C2orf76: variants seen among roughly 807,000 people sequenced by gnomAD.
The protein encoded by C2orf76 is UPF0538 protein C2orf76.
Under a neutral mutation model 16.9 loss-of-function variants are expected in C2orf76, and 23 were observed. The observed-to-expected ratio is 1.36, with a 90% CI of 0.98 to 1.93. The LOEUF is 1.93. Ranked by LOEUF, C2orf76 falls within the 30% of genes most tolerant of loss-of-function variation. C2orf76 has a pLI of 0.00. For synonymous variants in C2orf76, 48 were observed against 52.3 expected (o/e 0.92, Z 0.35); for missense variants, 152 against 152.6 (o/e 1.00, Z 0.02).
intron 4 of C2orf76, among the ~76,000 whole-genome samples, chr2:119,312,697 C>T (rs1414436407): frequency 6.6e-6 from 1 of 151,868 alleles, no homozygotes; most frequent in African/African-American, 2.4e-5. Flanking sequence ...GTGATATTTA[C>T]AAATCCAGTG....
chr2:119,300,969 C>A (rs1453515069), downstream of C2orf76, among the ~76,000 whole-genome samples: 1 of 152,034 alleles, frequency 6.6e-6, no homozygotes, highest in Non-Finnish European at 1.5e-5. Context: ...CAGTCCTTTG[C>A]CTTTGTGTAT....
At chr2:119,282,094 C>T in the C2orf76 span, among the ~76,000 whole-genome samples, 751 of 151,466 alleles carry the variant, frequency 5.0e-3, 7 homozygotes, top group African/African-American at 0.016. Flanking sequence ...TGCAGGGAGC[C>T]GAGATCATGC....
chr2:119,295,503 G>A, the C2orf76 span, among the ~76,000 whole-genome samples: 1 of 152,106 alleles, frequency 6.6e-6, no homozygotes, highest in African/African-American at 2.4e-5. Flanking sequence ...GAGATGGAGG[G>A]GAAGAAGCCC....
At chr2:119,300,275 C>T (rs1678596684), downstream of C2orf76, among the ~76,000 whole-genome samples, 1 of 152,176 alleles carries the variant, frequency 6.6e-6, no homozygotes, top group Non-Finnish European at 1.5e-5. Context: ...ACACCAAGAA[C>T]CTCCCCAATC....
intron 4 of C2orf76, 78 bp downstream of exon 4, chr2:119,317,388 G>T: frequency 9.7e-7 from 1 of 1,029,004 alleles, no homozygotes; most frequent in Non-Finnish European, 1.4e-6. Context: ...AGATGTACAT[G>T]TATTCATTCA....
At chr2:119,283,957 T>A in the C2orf76 span, among the ~76,000 whole-genome samples, 1 of 152,226 alleles carries the variant, frequency 6.6e-6, no homozygotes, top group Non-Finnish European at 1.5e-5. Flanking sequence ...AACTGTGTGA[T>A]GAAACAGCCC....
At chr2:119,333,662 A>G (rs1473420268) in intron 2 of C2orf76, among the ~76,000 whole-genome samples, 1 of 152,230 alleles carries the variant, frequency 6.6e-6, no homozygotes, top group Non-Finnish European at 1.5e-5. Context: ...CTACTACTAA[A>G]TCACAAAAGT....
intron 4 of C2orf76, among the ~76,000 whole-genome samples, chr2:119,315,475 T>C (rs967455163): frequency 3.9e-5 from 6 of 152,044 alleles, no homozygotes; most frequent in South Asian, 2.1e-4. Context: ...GCCCCGCAGA[T>C]GGGGAATAGA....
intron 5 of C2orf76, among the ~76,000 whole-genome samples, chr2:119,308,711 TAA>T (rs752277948): frequency 9.2e-5 from 14 of 152,158 alleles, no homozygotes; most frequent in Non-Finnish European, 1.9e-4. Flanking sequence ...TTCTATTCAA[TAA>T]ATCAAGCTCT....
At chr2:119,354,050 G>A (rs1680489325) in intron 1 of C2orf76, among the ~76,000 whole-genome samples, 1 of 152,026 alleles carries the variant, frequency 6.6e-6, no homozygotes, top group Non-Finnish European at 1.5e-5. Flanking sequence ...AATGCATGAG[G>A]CAATGGTCAC....
At chr2:119,341,172 T>A (rs535129851) in intron 1 of C2orf76, among the ~76,000 whole-genome samples, 12 of 152,302 alleles carry the variant, frequency 7.9e-5, no homozygotes, top group East Asian at 1.9e-4. Flanking sequence ...ATATTTTTTT[T>A]AATCTTGTTT....
intron 2 of C2orf76, among the ~76,000 whole-genome samples, chr2:119,329,752 T>G (rs1294085129): frequency 6.6e-6 from 1 of 152,156 alleles, no homozygotes; most frequent in African/African-American, 2.4e-5. Context: ...ATTCTTCCAT[T>G]TCTCCTCTGC....
chr2:119,355,746 C>T (rs1680550224), intron 1 of C2orf76, among the ~76,000 whole-genome samples: 1 of 152,138 alleles, frequency 6.6e-6, no homozygotes, highest in Admixed American at 6.5e-5. Flanking sequence ...CCCCCTACCA[C>T]CCCATCCATG....
chr2:119,338,381 C>T (rs566654988), intron 2 of C2orf76, among the ~76,000 whole-genome samples: 2 of 152,372 alleles, frequency 1.3e-5, no homozygotes, highest in South Asian at 4.1e-4. Flanking sequence ...AGAGAATCCA[C>T]ATTAACGAGC....
At chr2:119,296,303 C>T in the C2orf76 span, among the ~76,000 whole-genome samples, 1 of 152,152 alleles carries the variant, frequency 6.6e-6, no homozygotes, top group Non-Finnish European at 1.5e-5. Flanking sequence ...CTTCAATTAG[C>T]TTTGCTACTC....
intron 1 of C2orf76, among the ~76,000 whole-genome samples, chr2:119,363,418 T>TG (rs1680816249): frequency 6.8e-6 from 1 of 147,076 alleles, no homozygotes; most frequent in African/African-American, 2.5e-5. Flanking sequence ...AGCAAGACTC[T>TG]GTCTCAAAAA....
intron 3 of C2orf76, among the ~76,000 whole-genome samples, chr2:119,319,776 C>T (rs1156310052): frequency 6.6e-6 from 1 of 151,840 alleles, no homozygotes; most frequent in Admixed American, 6.6e-5. Context: ...ACTGGCAAAA[C>T]TGAAATCTGA....
intron 2 of C2orf76, among the ~76,000 whole-genome samples, chr2:119,333,214 A>G (rs1679732603): frequency 6.6e-6 from 1 of 152,216 alleles, no homozygotes. Flanking sequence ...ATTCCTTTCA[A>G]AAAAAGAGAG....
intron 2 of C2orf76, among the ~76,000 whole-genome samples, chr2:119,326,735 TTC>T (rs1679520648): frequency 6.6e-6 from 1 of 152,216 alleles, no homozygotes; most frequent in East Asian, 1.9e-4. Flanking sequence ...GTCTCTAAAT[TTC>T]TCTCAGTGAT....
Sources: allele counts gnomAD v4.1 joint callset (sites outside exome capture counted in the v4.1 genomes callset), GRCh38; gene constraint gnomAD v4.1.1; transcripts MANE v1.5; gene names NCBI Gene and HGNC (gene_info 2026-07-23, HGNC 2026-07-21).